KCNMB2: variants seen among roughly 807,000 people sequenced by gnomAD.
The protein encoded by KCNMB2 is potassium calcium-activated channel subfamily M regulatory beta subunit 2, also known as calcium-activated potassium channel subunit beta-2.
Under a neutral mutation model 24.5 loss-of-function variants are expected in KCNMB2, and 9 were observed. The observed-to-expected ratio is 0.37, with a 90% CI of 0.22 to 0.64. The LOEUF (loss-of-function observed/expected upper bound fraction) is 0.64, where lower values mean the gene tolerates loss of function less well. Among genes scored for constraint, KCNMB2 ranks in the 30% least tolerant of loss-of-function variants. The pLI is 0.63. For missense variants in KCNMB2, 226 were observed against 284.3 expected (o/e 0.79, Z 1.47); for synonymous variants, 109 against 104.4 (o/e 1.04, Z -0.27).
At chr3:178,657,756 G>T (rs1720394757) in intron 1 of KCNMB2, among the ~76,000 whole-genome samples, 2 of 152,180 alleles carry the variant, frequency 1.3e-5, no homozygotes, top group South Asian at 4.1e-4. Context: ...GCTACATCTG[G>T]TGAGGGCCTC....
intron 1 of KCNMB2, among the ~76,000 whole-genome samples, chr3:178,655,029 GA>G (rs949942948): frequency 2.7e-5 from 4 of 150,536 alleles, no homozygotes; most frequent in Non-Finnish European, 4.4e-5. Flanking sequence ...GCAGTCATGA[GA>G]ATTAAATGAG....
chr3:178,818,499 C>T (rs564956352), intron 2 of KCNMB2, among the ~76,000 whole-genome samples: 21 of 152,268 alleles, frequency 1.4e-4, no homozygotes, highest in Admixed American at 3.9e-4. Flanking sequence ...TGCTCAGCTC[C>T]CACTTATAAG....
chr3:178,803,339 A>C (rs1713844604), intron 1 of KCNMB2, among the ~76,000 whole-genome samples: 2 of 152,232 alleles, frequency 1.3e-5, no homozygotes, highest in South Asian at 4.1e-4. Flanking sequence ...GTCCAAGCCA[A>C]TGAAAGGGAT....
At position 178,623,233 on chromosome 3, in the gene KCNMB2, T is replaced by G. The variant is rs143566603; in HGVS notation, c.-68+86522T>G. Among the ~76,000 whole-genome samples the G allele has an allele frequency of 8.7e-4, 133 of 152,366 alleles. 1 individual carries two copies. Among genetic ancestry groups the G allele is most frequent in the Non-Finnish European group, 1.3e-3 (88 of 68,032 alleles). On this transcript the variant is annotated intron_variant, in intron 1 of 4. Coordinates refer to ENST00000452583, the MANE Select transcript of KCNMB2 (RefSeq NM_181361.3). ...TATCCAACTGCCTGGACTTGGGACC[T>G]CAGATACCGCTTCAATCACCATAGG...
intron 1 of KCNMB2, among the ~76,000 whole-genome samples, chr3:178,618,403 G>GTGCT (rs553159944): frequency 3.2e-4 from 49 of 152,066 alleles, no homozygotes; most frequent in Non-Finnish European, 6.2e-4. Context: ...CAGAGCCTGC[G>GTGCT]TGCTGAATCA....
At chr3:178,722,073 T>A (rs1722824810) in intron 1 of KCNMB2, among the ~76,000 whole-genome samples, 1 of 152,186 alleles carries the variant, frequency 6.6e-6, no homozygotes, top group Non-Finnish European at 1.5e-5. Context: ...AAAGTACAAT[T>A]TACCCTTTTT....
chr3:178,828,060 T>C (rs1465645313), intron 3 of KCNMB2, 118 bp from the exon 4 acceptor site: 3 of 768,218 alleles, frequency 3.9e-6, no homozygotes, highest in Non-Finnish European at 6.5e-6. Flanking sequence ...AGATAGATCA[T>C]ATTAGAGATT....
intron 1 of KCNMB2, among the ~76,000 whole-genome samples, chr3:178,583,088 G>C (rs993323733): frequency 2.6e-5 from 4 of 152,094 alleles, no homozygotes; most frequent in Non-Finnish European, 5.9e-5. Flanking sequence ...AATGTGCTTT[G>C]AGTTCAATAT....
chr3:178,712,356 T>C (rs1257354323), intron 1 of KCNMB2, among the ~76,000 whole-genome samples: 2 of 152,224 alleles, frequency 1.3e-5, no homozygotes, highest in Non-Finnish European at 2.9e-5. Context: ...TCATACTGCA[T>C]ACAGTCTAGT....
At chr3:178,543,494 A>C (rs973962923) in intron 1 of KCNMB2, among the ~76,000 whole-genome samples, 2 of 152,228 alleles carry the variant, frequency 1.3e-5, no homozygotes, top group Admixed American at 1.3e-4. Context: ...TAACCTCATC[A>C]GTTACTCTAG....
chr3:178,766,400 C>T (rs1429658150), intron 1 of KCNMB2, among the ~76,000 whole-genome samples: 2 of 152,086 alleles, frequency 1.3e-5, no homozygotes, highest in East Asian at 3.9e-4. Context: ...CACTGTGTTG[C>T]CCAGGCTGAT....
intron 1 of KCNMB2, among the ~76,000 whole-genome samples, chr3:178,705,497 T>C (rs982373916): frequency 2.0e-5 from 3 of 152,100 alleles, no homozygotes; most frequent in Admixed American, 1.3e-4. Flanking sequence ...TCAAGTAATA[T>C]AAATGAGAGA....
intron 1 of KCNMB2, among the ~76,000 whole-genome samples, chr3:178,560,391 G>A (rs1716272731): frequency 6.6e-6 from 1 of 152,162 alleles, no homozygotes; most frequent in Non-Finnish European, 1.5e-5. Context: ...ACTTCTATCT[G>A]GAGGGTATTT....
rs73049709 is a variant in KCNMB2, at chr3:178,726,253, C to T, written c.-67-81090C>T. On this transcript the variant is annotated intron_variant, in intron 1 of 4. Transcript: ENST00000452583. Reference sequence around the variant, plus strand: ...TATCTTACAATTATTTTATATATGACATCTGCACATACTGAAAACCTCATA... The same window carrying T: ...TATCTTACAATTATTTTATATATGATATCTGCACATACTGAAAACCTCATA... Among the ~76,000 whole-genome samples the T allele has an allele frequency of 3.6e-3, 547 of 152,030 alleles. 4 individuals carry two copies. The highest frequency in any genetic ancestry group is 0.013 in the African/African-American group (521 of 41,540).
At chr3:178,610,474 G>GTCA (rs1718442588) in intron 1 of KCNMB2, among the ~76,000 whole-genome samples, 1 of 151,878 alleles carries the variant, frequency 6.6e-6, no homozygotes, top group Admixed American at 6.6e-5. Context: ...TCACTTCTTT[G>GTCA]GTTATGTTAA....
intron 1 of KCNMB2, among the ~76,000 whole-genome samples, chr3:178,757,895 CCAAGAGGATACATATATAT>C: frequency 8.9e-6 from 1 of 111,854 alleles, no homozygotes; most frequent in African/African-American, 3.4e-5. Flanking sequence ...ATATATATAT[CCAAGAGGATACATATATAT>C]ATCCAAGAGG....
In KCNMB2 at chr3:178,756,237, T is replaced by G. The variant is rs544701299; in HGVS notation, c.-67-51106T>G. 8.1e-4 allele frequency among the ~76,000 whole-genome samples: 120 copies of G among 148,634 alleles called. 1 individual carries two copies. Among genetic ancestry groups the G allele is most frequent in the Middle Eastern group, 3.4e-3 (1 of 292 alleles). On this transcript the variant is annotated intron_variant, in intron 1 of 4. Transcript: ENST00000452583. ...GTGTGTATATATATGTGGGTGTGGG[T>G]GTGTGTGTGTGTGTGTATGCGTGTG...
intron 1 of KCNMB2, among the ~76,000 whole-genome samples, chr3:178,581,733 AG>A (rs1228042204): frequency 6.6e-6 from 1 of 152,250 alleles, no homozygotes; most frequent in African/African-American, 2.4e-5. Context: ...TCTCAAAATA[AG>A]ACACTTATGC....
intron 1 of KCNMB2, among the ~76,000 whole-genome samples, chr3:178,761,234 C>T (rs916875906): frequency 4.6e-5 from 7 of 152,244 alleles, no homozygotes; most frequent in African/African-American, 4.8e-5. Context: ...ATTCTCATTC[C>T]TCGTCTCTAT....
Sources: gnomAD v4.1 joint callset for allele counts (sites outside exome capture counted in the v4.1 genomes callset) on GRCh38, gnomAD v4.1.1 for gene constraint, MANE v1.5 for transcripts, NCBI Gene and HGNC (gene_info 2026-07-23, HGNC 2026-07-21) for gene names.